The following FBXL19 variants were observed in gnomAD, a reference collection of about 807,000 sequenced individuals.
The protein encoded by FBXL19 is F-box and leucine rich repeat protein 19, also known as F-box/LRR-repeat protein 19.
Under a neutral mutation model 71.2 loss-of-function variants are expected in FBXL19, and 16 were observed. The ratio of observed to expected loss-of-function variants is 0.22; its 90% confidence interval spans 0.15 to 0.34. The LOEUF (loss-of-function observed/expected upper bound fraction) is 0.34. Ranked by LOEUF, FBXL19 falls within the 10% of genes least tolerant of loss-of-function variation. The pLI, the probability that FBXL19 is intolerant of heterozygous loss-of-function variation, is 1.00. For missense variants in FBXL19, 658 were observed against 968.2 expected, an observed-to-expected ratio of 0.68 and a Z score of 4.25; for synonymous variants, 447 against 409.4, an observed-to-expected ratio of 1.09 and a Z score of -1.11.
intron 1 of FBXL19, 150 bp downstream of exon 1, chr16:30,924,609 C>T (rs2055567902): frequency 1.5e-6 from 2 of 1,368,900 alleles, no homozygotes; most frequent in Non-Finnish European, 1.9e-6. Context: ...TATGACCTCT[C>T]CACCCTGGGG....
chr16:30,942,054 G>C lies in FBXL19; in HGVS notation c.1302-62G>C, dbSNP rs1214234480. 6.9e-7 allele frequency: 1 copy of C among 1,454,762 alleles called. No individual in the cohort carries two copies. The highest frequency in any genetic ancestry group is 2.6e-5 in the Admixed American group (1 of 37,800). The allele number at this position is 1,454,762 out of a possible 1,614,324, so 90.1% of individuals were successfully genotyped here. ...GTGCACCCTTGGAGCTGGGGAGCCTGGGAACTGTGGGCTGCTGAGAGCTGA... is the reference window on the plus strand; with the variant it reads ...GTGCACCCTTGGAGCTGGGGAGCCTCGGAACTGTGGGCTGCTGAGAGCTGA... On this transcript the variant is annotated intron_variant, in intron 7 of 10. Coordinates refer to ENST00000338343, the MANE Select transcript of FBXL19 (RefSeq NM_001382779.1). The surrounding 1 kb of genome is among the most constrained non-coding windows in gnomAD (Gnocchi z 5.7).
Position 30,947,547 on chromosome 16 carries a change from G to T in FBXL19, c.*317G>T, listed in dbSNP as rs573452974. The T allele has an allele frequency of 3.8e-5, 14 of 368,952 alleles. No homozygotes were observed. Among genetic ancestry groups the T allele is most frequent in the African/African-American group, 1.3e-4 (6 of 47,194 alleles). 22.9% of individuals were successfully genotyped at this position (368,952 alleles called of 1,614,324 possible). A position where few individuals can be genotyped will look rare whatever the true frequency, so the allele number is the denominator to read the frequency against. Reference sequence around the variant, plus strand: ...AGGGGGGTTATGGTGCAAGTGTTGGGGGGGAGAATGGGGAAAGGACACACA... The same window carrying T: ...AGGGGGGTTATGGTGCAAGTGTTGGTGGGGAGAATGGGGAAAGGACACACA... On this transcript the variant is annotated 3_prime_UTR_variant, in exon 11 of 11. Transcript: ENST00000338343.
At chr16:30,936,435 ATTTT>A (rs1174123411) in intron 7 of FBXL19, among the ~76,000 whole-genome samples, 1 of 131,468 alleles carries the variant, frequency 7.6e-6, no homozygotes, top group Non-Finnish European at 1.6e-5. Context: ...TCTGGGCCTC[ATTTT>A]TTTTTTTTTT....
upstream of FBXL19, chr16:30,923,018 G>A (rs758891549): frequency 2.2e-6 from 1 of 456,884 alleles, no homozygotes; most frequent in Non-Finnish European, 4.4e-6. Context: ...CACCTCGTAA[G>A]ATCGACTACT....
At position 30,942,500 on chromosome 16, in the gene FBXL19, C is replaced by T; in HGVS notation, c.1591C>T (p.Arg531Trp). The T allele has an allele frequency of 6.3e-7, 1 of 1,595,676 alleles. No individual in the cohort carries two copies. Among genetic ancestry groups the T allele is most frequent in the Non-Finnish European group, 8.5e-7 (1 of 1,171,574 alleles). ...WIEDVKDSQL[R>W]ELLLPPPDTK... ...CGAGGATGTTAAAGACTCCCAGCTC[C>T]GGGAGTTGCTGCTGCCTCCACCAGA... The change falls in exon 9 of 11, where the codon CGG (arginine) becomes TGG (tryptophan). Residue 531 changes from arginine to tryptophan, a missense_variant. Arg to Trp is a moderately radical substitution (Grantham distance 101). Coordinates refer to ENST00000338343, the MANE Select transcript of FBXL19 (RefSeq NM_001382779.1). The surrounding 1 kb of genome is among the most constrained non-coding windows in gnomAD (Gnocchi z 5.7).
In FBXL19 at chr16:30,935,103, G is replaced by A. The variant is rs929312920; in HGVS notation, c.1301+4519G>A. Among the ~76,000 whole-genome samples, 3 of 152,290 alleles carry A rather than the reference G, an allele frequency of 2.0e-5. No homozygotes were observed. The East Asian group carries it at 5.8e-4, about 29-fold the overall frequency. ...GATCAAGGACCAGGAAGTGGTGGTT[G>A]GATTTTGCTACCAGGAGGCCTTAGT... On this transcript the variant is annotated intron_variant, in intron 7 of 10. Coordinates refer to ENST00000338343, the MANE Select transcript of FBXL19 (RefSeq NM_001382779.1).
chr16:30,928,642 C>A lies in FBXL19; in HGVS notation c.789+14C>A. 1.3e-6 allele frequency: 2 copies of A among 1,531,440 alleles called. No individual in the cohort carries two copies. The highest frequency in any genetic ancestry group is 1.8e-6 in the Non-Finnish European group (2 of 1,138,662). The allele number at this position is 1,531,440 out of a possible 1,614,324, so 94.9% of individuals were successfully genotyped here. A position where few individuals can be genotyped will look rare whatever the true frequency, so the allele number is the denominator to read the frequency against. ...GAGAACTGGGAGGTGTGCCGGGGAC[C>A]TCCTCCCTCCCCTTCCCACCTTCCC... is the stretch of plus-strand genomic sequence containing the variant. On this transcript the variant is annotated intron_variant, in intron 6 of 10. Transcript: ENST00000338343.
chr16:30,943,733 T>C (rs1206343165), intron 9 of FBXL19, among the ~76,000 whole-genome samples: 1 of 152,006 alleles, frequency 6.6e-6, no homozygotes, highest in Non-Finnish European at 1.5e-5. Context: ...GAACTCCTTG[T>C]CTCAAGTGAT....
chr16:30,930,971 C>T lies in FBXL19; in HGVS notation c.1301+387C>T, dbSNP rs1347156962. Among the ~76,000 whole-genome samples the T allele has an allele frequency of 6.6e-6, 1 of 152,126 alleles. No individual in the cohort carries two copies. Among genetic ancestry groups the T allele is most frequent in the Non-Finnish European group, 1.5e-5 (1 of 68,034 alleles). On this transcript the variant is annotated intron_variant, in intron 7 of 10. Transcript: ENST00000338343. The surrounding 1 kb of genome is among the most constrained non-coding windows in gnomAD (Gnocchi z 8.5). Reference sequence around the variant, plus strand: ...GTCAGCCATAGCACTGAGTGCTGTACTGCATTGTCACTTCTCATACTGCCA... The same window carrying T: ...GTCAGCCATAGCACTGAGTGCTGTATTGCATTGTCACTTCTCATACTGCCA...
chr16:30,926,435 A>T (rs927793789), intron 2 of FBXL19, among the ~76,000 whole-genome samples: 1 of 152,154 alleles, frequency 6.6e-6, no homozygotes, highest in Non-Finnish European at 1.5e-5. Context: ...AATGGCATGG[A>T]TGCGAGTGTG....
intron 3 of FBXL19, 34 bp from the exon 4 acceptor site, chr16:30,927,539 G>C (rs1235097324): frequency 1.3e-6 from 2 of 1,554,754 alleles, no homozygotes; most frequent in Non-Finnish European, 1.7e-6. Context: ...GGGCTTCCTG[G>C]CCAACCCCCC....
intron 9 of FBXL19, among the ~76,000 whole-genome samples, chr16:30,944,169 CTTTTT>C (rs761103868): frequency 3.0e-4 from 19 of 62,936 alleles, no homozygotes; most frequent in Non-Finnish European, 5.5e-4. Context: ...GAAGGTGGGC[CTTTTT>C]TTTTTTTTTT....
intron 9 of FBXL19, among the ~76,000 whole-genome samples, chr16:30,943,941 C>T (rs1367640053): frequency 6.6e-6 from 1 of 152,188 alleles, no homozygotes; most frequent in Non-Finnish European, 1.5e-5. Context: ...AGATGAGGCA[C>T]TGGAGGCCCA....
intron 7 of FBXL19, among the ~76,000 whole-genome samples, chr16:30,941,690 A>G (rs1338399403): frequency 6.6e-6 from 1 of 152,198 alleles, no homozygotes; most frequent in Non-Finnish European, 1.5e-5. Flanking sequence ...AAGAAGCCCA[A>G]GGGTGGCTGG....
At chr16:30,929,730 A>G (rs1413861350) in intron 6 of FBXL19, among the ~76,000 whole-genome samples, 1 of 151,796 alleles carries the variant, frequency 6.6e-6, no homozygotes, top group Non-Finnish European at 1.5e-5. Context: ...TTATTTTTGT[A>G]TTTTTAGTAG....
Position 30,930,156 on chromosome 16 carries a change from G to A in FBXL19, c.873G>A (p.Lys291=). The change falls in exon 7 of 11, where the codon AAG becomes AAA. Residue 291 remains lysine, a synonymous_variant. Coordinates refer to ENST00000338343, the MANE Select transcript of FBXL19 (RefSeq NM_001382779.1). This position sits in a 1 kb window ranked among gnomAD's most constrained non-coding sequence, Gnocchi z 8.5. ...SPQREKLERF[K]RMCQLLERVP... ...AGAGGGAGAAGCTAGAGCGTTTCAA[G>A]CGGATGTGCCAGCTGCTGGAACGGG... 6.2e-7 allele frequency: 1 copy of A among 1,613,444 alleles called. No individual in the cohort carries two copies. Among genetic ancestry groups the A allele is most frequent in the Non-Finnish European group, 8.5e-7 (1 of 1,179,892 alleles).
At chr16:30,931,479 T>C (rs940145943) in intron 7 of FBXL19, among the ~76,000 whole-genome samples, 1 of 152,206 alleles carries the variant, frequency 6.6e-6, no homozygotes, top group African/African-American at 2.4e-5. Flanking sequence ...AGGGACTCGC[T>C]GTGGCTGGGA....
chr16:30,943,510 G>A (rs2143387326), intron 9 of FBXL19, among the ~76,000 whole-genome samples: 1 of 151,828 alleles, frequency 6.6e-6, no homozygotes, highest in South Asian at 2.1e-4. Flanking sequence ...AAGTAGCTGG[G>A]ACTACAGGCG....
In FBXL19 at chr16:30,923,770, CT is replaced by C. The variant is rs1477254379; in HGVS notation, c.-713del. ...ATTTATTCAAATTTTATTTAAATCC[CT>C]ATCTCCCGAGGGTCGCGCGCTTGGG... On this transcript the variant is annotated 5_prime_UTR_variant, in exon 1 of 11. Coordinates refer to ENST00000338343, the MANE Select transcript of FBXL19 (RefSeq NM_001382779.1). 6.7e-6 allele frequency among the ~76,000 whole-genome samples: 1 copy of C among 148,488 alleles called. No individual in the cohort carries two copies. The highest frequency in any genetic ancestry group is 2.5e-5 in the African/African-American group (1 of 40,112).
Sources: allele counts gnomAD v4.1 joint callset (sites outside exome capture counted in the v4.1 genomes callset), GRCh38; gene constraint gnomAD v4.1.1; non-coding constraint Gnocchi (gnomAD v3.1); transcripts MANE v1.5; gene names NCBI Gene and HGNC (gene_info 2026-07-23, HGNC 2026-07-21).